Variants in MYO16 observed in about 807,000 individuals in gnomAD.
MYO16 encodes unconventional myosin-XVI.
MYO16 carries 94 observed loss-of-function variants against 205.3 expected under a neutral mutation model. That is an observed-to-expected ratio of 0.46 (90% CI 0.39 to 0.54). The LOEUF is 0.54. MYO16 is among the 20% of genes least tolerant of loss of function. MYO16 has a pLI of 0.00. For synonymous variants in MYO16, 988 were observed against 954.0 expected, an observed-to-expected ratio of 1.04 and a Z score of -0.66; for missense variants, 2,315 against 2,387.5, an observed-to-expected ratio of 0.97 and a Z score of 0.63.
chr13:108,741,070 C>G (rs1047344306), intron 4 of MYO16, among the ~76,000 whole-genome samples: 7 of 152,058 alleles, frequency 4.6e-5, no homozygotes, highest in Non-Finnish European at 1.0e-4. Context: ...TTCCCTGACC[C>G]CTTGTGCTTC....
intron 13 of MYO16, among the ~76,000 whole-genome samples, chr13:108,886,707 GC>G (rs1879912960): frequency 1.3e-5 from 2 of 150,922 alleles, no homozygotes; most frequent in Non-Finnish European, 3.0e-5. Flanking sequence ...TTTAGGCAAA[GC>G]CCCCTGTGCA....
chr13:108,586,848 C>A, the MYO16 span, among the ~76,000 whole-genome samples: 31 of 152,090 alleles, frequency 2.0e-4, no homozygotes, highest in South Asian at 8.3e-4. Flanking sequence ...CCCTTTATAC[C>A]CTGTGATTGC....
At chr13:108,639,028 T>C (rs1036739475) in intron 1 of MYO16, among the ~76,000 whole-genome samples, 1 of 152,150 alleles carries the variant, frequency 6.6e-6, no homozygotes, top group East Asian at 1.9e-4. Flanking sequence ...AGAAGAACAA[T>C]GTGCAGTAGT....
chr13:109,125,399 TG>T lies in MYO16; in HGVS notation c.3782+43del. On this transcript the variant is annotated intron_variant, in intron 30 of 34. Transcript: ENST00000457511. The surrounding 1 kb of genome is among the most constrained non-coding windows in gnomAD (Gnocchi z 4.0). The stretch of plus-strand genomic sequence containing the variant: ...ATGCAATTTTAATTACCTTTGTGAT[TG>T]GTTCAGTGGAGTCATGAAAATTCAA... 1 of 1,603,868 alleles carries T rather than the reference TG, an allele frequency of 6.2e-7. No homozygotes were observed. Among genetic ancestry groups the T allele is most frequent in the Admixed American group, 1.7e-5 (1 of 59,118 alleles).
intron 4 of MYO16, among the ~76,000 whole-genome samples, chr13:108,745,959 G>A (rs891597497): frequency 3.9e-5 from 6 of 152,014 alleles, no homozygotes; most frequent in East Asian, 3.9e-4. Context: ...AGGCCGAGGC[G>A]GGCAGATCAC....
chr13:109,055,372 T>C lies in MYO16; in HGVS notation c.3130-18T>C. 6.3e-7 allele frequency: 1 copy of C among 1,586,180 alleles called. No individual in the cohort carries two copies. The highest frequency in any genetic ancestry group is 8.6e-7 in the Non-Finnish European group (1 of 1,158,400). ...TGTCTCCTTTGGAGAATCAGTTGGG[T>C]TCTACTTCTCTCCTTAGAAATCACT... On this transcript the variant is annotated intron_variant, in intron 26 of 34. Coordinates refer to ENST00000457511, the MANE Select transcript of MYO16 (RefSeq NM_001198950.3). The surrounding 1 kb of genome is among the most constrained non-coding windows in gnomAD (Gnocchi z 5.0).
chr13:109,198,547 AAG>A (rs1880258410), intron 34 of MYO16, among the ~76,000 whole-genome samples: 1 of 152,200 alleles, frequency 6.6e-6, no homozygotes, highest in Non-Finnish European at 1.5e-5. Context: ...TTAGTAATAA[AAG>A]AATATATTAT....
intron 2 of MYO16, among the ~76,000 whole-genome samples, chr13:108,698,007 G>A (rs1883155165): frequency 6.6e-6 from 1 of 152,202 alleles, no homozygotes; most frequent in Admixed American, 6.5e-5. Context: ...ACAGGTGTGA[G>A]CCACCGTGCC....
At position 109,018,995 on chromosome 13, in the gene MYO16, G is replaced by C. The variant is rs1187967484; in HGVS notation, c.2596-716G>C. Among the ~76,000 whole-genome samples the C allele has an allele frequency of 2.0e-5, 3 of 150,632 alleles. No homozygotes were observed. In the East Asian group the frequency reaches 5.8e-4, roughly 29 times the overall value. On this transcript the variant is annotated intron_variant, in intron 22 of 34. Transcript: ENST00000457511. ...TTTTGTTTTTTTTTTTTTGAGGCAG[G>C]GTTGCGTCTGTTGTCCAGGATGGAG...
upstream of MYO16, among the ~76,000 whole-genome samples, chr13:108,625,539 A>G (rs1254920938): frequency 6.6e-6 from 1 of 152,068 alleles, no homozygotes; most frequent in Non-Finnish European, 1.5e-5. Context: ...TCTTGACTCC[A>G]TTCACCCAGA....
chr13:109,137,231 G>T (rs183623898), intron 31 of MYO16, among the ~76,000 whole-genome samples: 1 of 152,312 alleles, frequency 6.6e-6, no homozygotes, highest in East Asian at 1.9e-4. Context: ...TGTCCCAAGG[G>T]AAGGAGGGGG....
At chr13:108,876,616 C>A (rs1020492425) in intron 12 of MYO16, among the ~76,000 whole-genome samples, 1 of 151,716 alleles carries the variant, frequency 6.6e-6, no homozygotes, top group Non-Finnish European at 1.5e-5. Flanking sequence ...AGTGGGTATA[C>A]CACTATTTTT....
intron 4 of MYO16, among the ~76,000 whole-genome samples, chr13:108,785,133 C>A (rs1886419070): frequency 6.6e-6 from 1 of 152,072 alleles, no homozygotes; most frequent in Non-Finnish European, 1.5e-5. Context: ...TTAACACAGG[C>A]CTTGATTAAA....
chr13:109,112,826 T>G (rs1191689802), intron 28 of MYO16, among the ~76,000 whole-genome samples: 2 of 152,246 alleles, frequency 1.3e-5, no homozygotes, highest in African/African-American at 4.8e-5. Flanking sequence ...CAAAGCATTT[T>G]TTAAAATTCT....
At chr13:109,023,912 AG>A (rs1886261838) in intron 23 of MYO16, among the ~76,000 whole-genome samples, 1 of 139,022 alleles carries the variant, frequency 7.2e-6, no homozygotes, top group South Asian at 2.2e-4. Flanking sequence ...TACATATATA[AG>A]TATAAAATAC....
At chr13:108,959,418 C>A (rs529821176) in intron 17 of MYO16, among the ~76,000 whole-genome samples, 1 of 152,208 alleles carries the variant, frequency 6.6e-6, no homozygotes, top group Non-Finnish European at 1.5e-5. Context: ...GGAAACAGGG[C>A]TTTGAAAATT....
intron 16 of MYO16, among the ~76,000 whole-genome samples, chr13:108,942,050 A>C (rs1456938945): frequency 6.6e-6 from 1 of 152,220 alleles, no homozygotes; most frequent in Non-Finnish European, 1.5e-5. Flanking sequence ...ATATAATTGT[A>C]TTTGCAGTAT....
Position 109,125,506 on chromosome 13 carries a change from G to A in MYO16, c.3782+148G>A. 1.8e-6 allele frequency: 2 copies of A among 1,101,582 alleles called. No homozygotes were observed. Among genetic ancestry groups the A allele is most frequent in the South Asian group, 1.6e-5 (1 of 61,368 alleles). The allele number at this position is 1,101,582 out of a possible 1,614,324, so 68.2% of individuals were successfully genotyped here. A position where few individuals can be genotyped will look rare whatever the true frequency, so the allele number is the denominator to read the frequency against. On this transcript the variant is annotated intron_variant, in intron 30 of 34. Coordinates refer to ENST00000457511, the MANE Select transcript of MYO16 (RefSeq NM_001198950.3). This position sits in a 1 kb window ranked among gnomAD's most constrained non-coding sequence, Gnocchi z 4.0. ...GCGTGGTTTGTTATTCGAAATGGCA[G>A]CAGTCTAAAAAGATGCTTTCCTGTG...
At position 109,100,771 on chromosome 13, in the gene MYO16, G is replaced by T. The variant is rs1340747734; in HGVS notation, c.3336-14G>T. The T allele has an allele frequency of 6.3e-7, 1 of 1,592,592 alleles. No homozygotes were observed. Among genetic ancestry groups the T allele is most frequent in the Non-Finnish European group, 8.6e-7 (1 of 1,161,626 alleles). ...AATGCAGTCATTGCTTTCTGTCTCT[G>T]CTGCTTTTCACAGGTATAAGCCACT... is the stretch of plus-strand genomic sequence containing the variant. On this transcript the variant is annotated splice_polypyrimidine_tract_variant and intron_variant, in intron 27 of 34. Coordinates refer to ENST00000457511, the MANE Select transcript of MYO16 (RefSeq NM_001198950.3).
Sources: allele counts gnomAD v4.1 joint callset (sites outside exome capture counted in the v4.1 genomes callset), GRCh38; gene constraint gnomAD v4.1.1; non-coding constraint Gnocchi (gnomAD v3.1); transcripts MANE v1.5; gene names NCBI Gene and HGNC (gene_info 2026-07-23, HGNC 2026-07-21).